Variants in SNRPD1 observed in about 807,000 individuals in gnomAD.
SNRPD1 encodes the protein small nuclear ribonucleoprotein Sm D1.
A neutral mutation model predicts 14.4 loss-of-function variants in SNRPD1; 1 was observed. The ratio of observed to expected loss-of-function variants is 0.07; its 90% confidence interval spans 0.02 to 0.33. The LOEUF (loss-of-function observed/expected upper bound fraction) is 0.33, where lower values mean the gene tolerates loss of function less well. Ranked by LOEUF, SNRPD1 falls within the 10% of genes least tolerant of loss-of-function variation. The probability of loss-of-function intolerance (pLI) is 1.00; values close to 1 mark genes in which losing one functional copy is unlikely to be tolerated. For synonymous variants in SNRPD1, 42 were observed against 50.3 expected (o/e 0.83, Z 0.70); for missense variants, 52 against 146.4 (o/e 0.36, Z 3.33).
chr18:21,615,882 TG>T, intron 1 of SNRPD1, among the ~76,000 whole-genome samples: 1 of 152,200 alleles, frequency 6.6e-6, no homozygotes, highest in Non-Finnish European at 1.5e-5. Flanking sequence ...GAATAACAAT[TG>T]GTCCACATCC....
At position 21,612,368 on chromosome 18, in the gene SNRPD1, G is replaced by T; in HGVS notation, c.-62G>T. On this transcript the variant is annotated 5_prime_UTR_variant, in exon 1 of 4. Transcript: ENST00000300413. ...CTTCCGGCCATTCATACTGCAGTCG[G>T]TCAGTGTTCGGTTGAAGGATTCTGT... 7.2e-7 allele frequency: 1 copy of T among 1,393,246 alleles called. No individual in the cohort carries two copies. The highest frequency in any genetic ancestry group is 1.5e-5 in the African/African-American group (1 of 68,368). The allele number at this position is 1,393,246 out of a possible 1,614,324, so 86.3% of individuals were successfully genotyped here.
At chr18:21,621,715 T>C (rs2038999494) in intron 1 of SNRPD1, among the ~76,000 whole-genome samples, 2 of 152,070 alleles carry the variant, frequency 1.3e-5, no homozygotes, top group Non-Finnish European at 2.9e-5. Context: ...GTAGCTAGGA[T>C]TACAGGCGTA....
At chr18:21,625,162 C>G (rs974185901) in intron 3 of SNRPD1, among the ~76,000 whole-genome samples, 54 of 151,594 alleles carry the variant, frequency 3.6e-4, no homozygotes, top group African/African-American at 1.2e-3. Flanking sequence ...TTTTTACTAC[C>G]TACCTACCTG....
At chr18:21,624,628 T>C (rs1430415882) in intron 3 of SNRPD1, among the ~76,000 whole-genome samples, 4 of 151,280 alleles carry the variant, frequency 2.6e-5, no homozygotes, top group African/African-American at 9.7e-5. Context: ...GAGGTGGAGG[T>C]TGCTGTGAGC....
chr18:21,633,431 C>T lies in SNRPD1; in HGVS notation c.*4293C>T, dbSNP rs2039100598. 1 of 152,170 alleles carries T rather than the reference C, an allele frequency of 6.6e-6. No homozygotes were observed. Among genetic ancestry groups the T allele is most frequent in the Non-Finnish European group, 1.5e-5 (1 of 68,032 alleles). The allele number at this position is 152,170 out of a possible 1,614,324, so 9.4% of individuals were successfully genotyped here. A position where few individuals can be genotyped will look rare whatever the true frequency, so the allele number is the denominator to read the frequency against. ...TCTGTCATAATAAACCAACAGCAGA[C>T]ATTTTCTAAAGGCATTAAAAGTATA... On this transcript the variant is annotated 3_prime_UTR_variant, in exon 4 of 4. Coordinates refer to ENST00000300413, the MANE Select transcript of SNRPD1 (RefSeq NM_006938.4).
chr18:21,630,522 G>A lies in SNRPD1; in HGVS notation c.*1384G>A, dbSNP rs1598495869. 6.6e-6 allele frequency: 1 copy of A among 151,944 alleles called. No homozygotes were observed. The highest frequency in any genetic ancestry group is 1.9e-4 in the East Asian group (1 of 5,192). 9.4% of individuals were successfully genotyped at this position (151,944 alleles called of 1,614,324 possible). ...CACGCCTGTAATCCCAGCACTTTGGGAGGCCGAGGCAGGTGGATCACGAGG... is the reference window on the plus strand; with the variant it reads ...CACGCCTGTAATCCCAGCACTTTGGAAGGCCGAGGCAGGTGGATCACGAGG... On this transcript the variant is annotated 3_prime_UTR_variant, in exon 4 of 4. Transcript: ENST00000300413.
chr18:21,613,383 A>G (rs957221649), intron 1 of SNRPD1, among the ~76,000 whole-genome samples: 4 of 152,300 alleles, frequency 2.6e-5, no homozygotes, highest in Admixed American at 1.3e-4. Flanking sequence ...AGGATTGTCA[A>G]TATCCGCTAA....
intron 1 of SNRPD1, among the ~76,000 whole-genome samples, chr18:21,619,006 A>G (rs1313136456): frequency 2.6e-5 from 4 of 152,056 alleles, no homozygotes; most frequent in Non-Finnish European, 5.9e-5. Context: ...CTGTTAATTC[A>G]AAGTATATAT....
chr18:21,619,775 G>A (rs971253354), intron 1 of SNRPD1, among the ~76,000 whole-genome samples: 1 of 151,390 alleles, frequency 6.6e-6, no homozygotes, highest in Non-Finnish European at 1.5e-5. Context: ...GCGAGACTCC[G>A]TCTCAAAAAA....
intron 1 of SNRPD1, among the ~76,000 whole-genome samples, chr18:21,619,998 A>G (rs2038986165): frequency 6.6e-6 from 1 of 151,694 alleles, no homozygotes; most frequent in Non-Finnish European, 1.5e-5. Flanking sequence ...TCTGTCACCC[A>G]GGCTGCAGTG....
In SNRPD1 at chr18:21,630,102, T is replaced by A. The variant is rs1001122660; in HGVS notation, c.*964T>A. 1 of 152,198 alleles carries A rather than the reference T, an allele frequency of 6.6e-6. No individual in the cohort carries two copies. The highest frequency in any genetic ancestry group is 1.5e-5 in the Non-Finnish European group (1 of 68,038). The allele number at this position is 152,198 out of a possible 1,614,324, so 9.4% of individuals were successfully genotyped here. ...ATATAGTTTTATGTTTTCCAAGTTATAACTTGGAGTTAATGGTCACTAGAT... is the reference window on the plus strand; with the variant it reads ...ATATAGTTTTATGTTTTCCAAGTTAAAACTTGGAGTTAATGGTCACTAGAT... On this transcript the variant is annotated 3_prime_UTR_variant, in exon 4 of 4. Coordinates refer to ENST00000300413, the MANE Select transcript of SNRPD1 (RefSeq NM_006938.4).
intron 3 of SNRPD1, among the ~76,000 whole-genome samples, 179 bp downstream of exon 3, chr18:21,624,118 C>T (rs1034138553): frequency 2.6e-5 from 4 of 152,178 alleles, no homozygotes; most frequent in African/African-American, 4.8e-5. Flanking sequence ...CAGTGGCTCA[C>T]GCCTATAATC....
Position 21,629,227 on chromosome 18 carries a change from T to C in SNRPD1, c.*89T>C, listed in dbSNP as rs552961198. 2 of 986,124 alleles carry C rather than the reference T, an allele frequency of 2.0e-6. No individual in the cohort carries two copies. Among genetic ancestry groups the C allele is most frequent in the East Asian group, 4.8e-5 (2 of 41,936 alleles). The allele number at this position is 986,124 out of a possible 1,614,324, so 61.1% of individuals were successfully genotyped here. On this transcript the variant is annotated 3_prime_UTR_variant, in exon 4 of 4. Coordinates refer to ENST00000300413, the MANE Select transcript of SNRPD1 (RefSeq NM_006938.4). ...TATGTCAGTTTTTAATAAACATAAA[T>C]GTGGGACAGAGCTGTCTATTTAGTA...
intron 3 of SNRPD1, among the ~76,000 whole-genome samples, chr18:21,627,434 G>GTTTTTTTTTT (rs71178190): frequency 1.0e-5 from 1 of 97,368 alleles, no homozygotes; most frequent in African/African-American, 4.2e-5. Flanking sequence ...CTTTTCTTGG[G>GTTTTTTTTTT]TTTTTTTTTT....
rs1455091912 is a variant in SNRPD1, at chr18:21,633,349, TAC to T, written c.*4213_*4214del. On this transcript the variant is annotated 3_prime_UTR_variant, in exon 4 of 4. Transcript: ENST00000300413. ...ATCATACATATAACATTTAATAACA[TAC>T]AGTTCTTGTTCCTGAAGACTTAACC... is the stretch of plus-strand genomic sequence containing the variant. 3 of 152,192 alleles carry T rather than the reference TAC, an allele frequency of 2.0e-5. No individual in the cohort carries two copies. Among genetic ancestry groups the T allele is most frequent in the Non-Finnish European group, 4.4e-5 (3 of 68,038 alleles). The allele number at this position is 152,192 out of a possible 1,614,324, so 9.4% of individuals were successfully genotyped here. A position where few individuals can be genotyped will look rare whatever the true frequency, so the allele number is the denominator to read the frequency against.
intron 1 of SNRPD1, among the ~76,000 whole-genome samples, chr18:21,618,541 G>T (rs1040000238): frequency 1.3e-5 from 2 of 151,570 alleles, no homozygotes; most frequent in Non-Finnish European, 2.9e-5. Flanking sequence ...TAGTAAATTC[G>T]TGTAAAAGAT....
chr18:21,621,725 A>G (rs1243515558), intron 1 of SNRPD1, among the ~76,000 whole-genome samples: 1 of 151,930 alleles, frequency 6.6e-6, no homozygotes, highest in East Asian at 1.9e-4. Context: ...TTACAGGCGT[A>G]CGCCATCCTG....
chr18:21,620,584 T>A (rs999565470), intron 1 of SNRPD1, among the ~76,000 whole-genome samples: 2 of 152,128 alleles, frequency 1.3e-5, no homozygotes, highest in Non-Finnish European at 2.9e-5. Context: ...ATAAAAAAGA[T>A]CAATTCCAAG....
At chr18:21,625,730 C>CCT (rs757541422) in intron 3 of SNRPD1, among the ~76,000 whole-genome samples, 2 of 152,150 alleles carry the variant, frequency 1.3e-5, no homozygotes, top group Non-Finnish European at 2.9e-5. Context: ...CCTGCCTCTG[C>CCT]CTCTCCAGTA....
Sources: gnomAD v4.1 joint callset for allele counts (sites outside exome capture counted in the v4.1 genomes callset) on GRCh38, gnomAD v4.1.1 for gene constraint, MANE v1.5 for transcripts, NCBI Gene and HGNC (gene_info 2026-07-23, HGNC 2026-07-21) for gene names.